SMARCC1: variants seen among roughly 807,000 people sequenced by gnomAD.
SMARCC1 encodes SWI/SNF complex subunit SMARCC1.
Under a neutral mutation model 147.4 loss-of-function variants are expected in SMARCC1, and 43 were observed. The ratio of observed to expected loss-of-function variants is 0.29; its 90% CI spans 0.23 to 0.38. SMARCC1 has a LOEUF of 0.38. Among genes scored for constraint, SMARCC1 ranks in the 10% least tolerant of loss-of-function variants. The pLI is 1.00. For synonymous variants in SMARCC1, 495 were observed against 484.4 expected (o/e 1.02, Z -0.29); for missense variants, 1,119 against 1,381.1 (o/e 0.81, Z 3.01).
Position 47,692,799 on chromosome 3 carries a change from G to A in SMARCC1, c.1225+442C>T, listed in dbSNP as rs187617697. Among the ~76,000 whole-genome samples the A allele has an allele frequency of 3.9e-3, 593 of 152,208 alleles. 5 individuals are homozygous for A. Among genetic ancestry groups the A allele is most frequent in the African/African-American group, 0.013 (538 of 41,540 alleles). On this transcript the variant is annotated intron_variant, in intron 12 of 27. Transcript: ENST00000254480. ...GCACTTTGGGAGGCCGAGACAGGCG[G>A]ATCATGAGGTCAGGAGTTCGAGACA...
intron 1 of SMARCC1, among the ~76,000 whole-genome samples, chr3:47,780,184 T>TTC (rs2035028650): frequency 6.9e-6 from 1 of 145,070 alleles, no homozygotes; most frequent in Non-Finnish European, 1.5e-5. Flanking sequence ...TTTTTTTTTT[T>TTC]TTTTTTGGAG....
At chr3:47,651,952 A>G (rs2033195626) in intron 21 of SMARCC1, among the ~76,000 whole-genome samples, 1 of 152,136 alleles carries the variant, frequency 6.6e-6, no homozygotes. Context: ...CATGCACTGA[A>G]TGACACTGAC....
chr3:47,707,776 T>C (rs2034013628), intron 9 of SMARCC1, among the ~76,000 whole-genome samples: 1 of 152,114 alleles, frequency 6.6e-6, no homozygotes, highest in Non-Finnish European at 1.5e-5. Flanking sequence ...TTACTCAGAA[T>C]ACTGAGCCGG....
intron 27 of SMARCC1, among the ~76,000 whole-genome samples, chr3:47,588,995 G>A (rs1256463279): frequency 2.6e-5 from 4 of 152,074 alleles, no homozygotes; most frequent in Admixed American, 6.6e-5. Flanking sequence ...CATTTAATCC[G>A]GGTTTTAAAA....
At chr3:47,671,394 G>A (rs976679030) in intron 18 of SMARCC1, among the ~76,000 whole-genome samples, 1 of 152,180 alleles carries the variant, frequency 6.6e-6, no homozygotes, top group South Asian at 2.1e-4. Context: ...AACTTGAAGA[G>A]ACTACTTCTT....
At position 47,716,415 on chromosome 3, in the gene SMARCC1, CA is replaced by C. The variant is rs776727634; in HGVS notation, c.717-1926del. Among the ~76,000 whole-genome samples the C allele has an allele frequency of 9.5e-3, 493 of 51,930 alleles. 2 individuals carry two copies. The highest frequency in any genetic ancestry group is 0.021 in the African/African-American group (277 of 13,482). The allele number at this position is 51,930 out of a possible 152,430, so 34.1% of individuals were successfully genotyped here. ...CCTGGGTGAGAGTGAGACTCCATCT[CA>C]AAAAAAAAAAAAAAAAAAAAAAACC... On this transcript the variant is annotated intron_variant, in intron 7 of 27. Transcript: ENST00000254480.
At chr3:47,703,292 C>G (rs1304254474) in intron 10 of SMARCC1, among the ~76,000 whole-genome samples, 3 of 152,182 alleles carry the variant, frequency 2.0e-5, no homozygotes, top group Non-Finnish European at 4.4e-5. Flanking sequence ...GTCCTAGCCA[C>G]TGAGGAGGAC....
At chr3:47,777,040 C>T (rs2034982520) in intron 1 of SMARCC1, among the ~76,000 whole-genome samples, 1 of 151,260 alleles carries the variant, frequency 6.6e-6, no homozygotes, top group Non-Finnish European at 1.5e-5. Flanking sequence ...TCCCAAAGTG[C>T]TGGGATTATA....
intron 2 of SMARCC1, among the ~76,000 whole-genome samples, chr3:47,763,593 A>G (rs917504684): frequency 6.6e-6 from 1 of 151,900 alleles, no homozygotes; most frequent in African/African-American, 2.4e-5. Flanking sequence ...TAGGCCTCCC[A>G]AAGTGTTGGG....
At chr3:47,767,493 G>C (rs2034854201) in intron 2 of SMARCC1, among the ~76,000 whole-genome samples, 1 of 136,070 alleles carries the variant, frequency 7.3e-6, no homozygotes, top group African/African-American at 2.7e-5. Context: ...ACCCACTTCA[G>C]CCTCCCAAAG....
intron 2 of SMARCC1, among the ~76,000 whole-genome samples, chr3:47,751,044 C>A (rs1308468226): frequency 1.3e-5 from 2 of 151,788 alleles, no homozygotes; most frequent in Non-Finnish European, 2.9e-5. Context: ...ATTACAGACA[C>A]GTGCCACCAC....
chr3:47,588,389 C>A, intron 27 of SMARCC1, 83 bp from the exon 28 acceptor site: 1 of 1,323,148 alleles, frequency 7.6e-7, no homozygotes. Context: ...AAAAAAGACA[C>A]AGAAGTCCTT....
At chr3:47,608,424 A>G (rs1384263057) in intron 26 of SMARCC1, among the ~76,000 whole-genome samples, 1 of 152,200 alleles carries the variant, frequency 6.6e-6, no homozygotes, top group African/African-American at 2.4e-5. Context: ...TGAACGCTCA[A>G]TTCTAAAACA....
chr3:47,652,021 AG>A (rs2033196458), intron 21 of SMARCC1, among the ~76,000 whole-genome samples: 1 of 152,200 alleles, frequency 6.6e-6, no homozygotes, highest in African/African-American at 2.4e-5. Context: ...TTAGTCACCT[AG>A]GCTGGAATGC....
intron 14 of SMARCC1, 24 bp downstream of exon 14, chr3:47,686,025 C>A: frequency 6.2e-7 from 1 of 1,610,010 alleles, no homozygotes; most frequent in South Asian, 1.1e-5. Context: ...GTACCATGCT[C>A]ACAGATGGAA....
intron 10 of SMARCC1, among the ~76,000 whole-genome samples, chr3:47,703,071 G>A (rs2033945676): frequency 6.6e-6 from 1 of 152,094 alleles, no homozygotes; most frequent in African/African-American, 2.4e-5. Flanking sequence ...GGGATTACAA[G>A]GGCGCTCAAT....
At chr3:47,724,235 T>C (rs1018874220) in intron 6 of SMARCC1, among the ~76,000 whole-genome samples, 3 of 152,150 alleles carry the variant, frequency 2.0e-5, no homozygotes, top group Admixed American at 6.5e-5. Flanking sequence ...GTATTCACAA[T>C]AGTCAAAATG....
At chr3:47,763,016 A>C (rs574120511) in intron 2 of SMARCC1, among the ~76,000 whole-genome samples, 1 of 151,600 alleles carries the variant, frequency 6.6e-6, no homozygotes, top group South Asian at 2.1e-4. Context: ...CAGTGAGCCG[A>C]GATCACGCCA....
At chr3:47,763,065 CAAA>C (rs11285718) in intron 2 of SMARCC1, among the ~76,000 whole-genome samples, 26 of 141,724 alleles carry the variant, frequency 1.8e-4, no homozygotes, top group Admixed American at 2.8e-4. Flanking sequence ...GACTCCATCT[CAAA>C]AAAAAAAAAA....
Sources: allele counts gnomAD v4.1 joint callset (sites outside exome capture counted in the v4.1 genomes callset), GRCh38; gene constraint gnomAD v4.1.1; transcripts MANE v1.5; gene names NCBI Gene and HGNC (gene_info 2026-07-23, HGNC 2026-07-21).